Variants in ZBTB38 observed in about 807,000 individuals in gnomAD.
ZBTB38 encodes zinc finger and BTB domain-containing protein 38.
In ZBTB38, 20 loss-of-function variants were observed where a neutral mutation model predicts 76.8. That is an observed-to-expected ratio of 0.26 (90% CI 0.18 to 0.38). The LOEUF (loss-of-function observed/expected upper bound fraction) is 0.38. ZBTB38 is among the 10% of genes least tolerant of loss of function. The pLI is 1.00. For missense variants in ZBTB38, 1,082 were observed against 1,482.3 expected, an observed-to-expected ratio of 0.73 and a Z score of 4.43; for synonymous variants, 504 against 544.2, an observed-to-expected ratio of 0.93 and a Z score of 1.03.
intron 1 of ZBTB38, among the ~76,000 whole-genome samples, chr3:141,349,936 T>G (rs1943472866): frequency 6.6e-6 from 1 of 152,054 alleles, no homozygotes; most frequent in Non-Finnish European, 1.5e-5. Context: ...CTTGGATATT[T>G]AAAACATTTA....
rs917419142 is a variant in ZBTB38, at chr3:141,404,955, G to T, written c.-1+924G>T. Among the ~76,000 whole-genome samples the T allele has an allele frequency of 2.0e-5, 3 of 152,168 alleles. No individual in the cohort carries two copies. The South Asian group carries it at 6.2e-4, about 31-fold the overall frequency. On this transcript the variant is annotated intron_variant, in intron 5 of 5. Coordinates refer to ENST00000321464, the MANE Select transcript of ZBTB38 (RefSeq NM_001376113.1). ...CAGCAGTTGCAGAGTGGGGTCCATC[G>T]CAGGGACAGACCAGAGTCATAGACA...
chr3:141,436,762 T>C (rs2078903879), intron 5 of ZBTB38, among the ~76,000 whole-genome samples: 1 of 152,188 alleles, frequency 6.6e-6, no homozygotes, highest in Non-Finnish European at 1.5e-5. Context: ...CCTCCCAAAG[T>C]GCTGGGATTA....
intron 1 of ZBTB38, among the ~76,000 whole-genome samples, chr3:141,357,896 C>T (rs1943713191): frequency 6.6e-6 from 1 of 152,128 alleles, no homozygotes; most frequent in South Asian, 2.1e-4. Context: ...ATTTTATATG[C>T]ATTGTAGAGA....
At chr3:141,344,255 GCT>G (rs1428857102) in intron 1 of ZBTB38, among the ~76,000 whole-genome samples, 1 of 152,130 alleles carries the variant, frequency 6.6e-6, no homozygotes, top group Non-Finnish European at 1.5e-5. Flanking sequence ...AGTGTCTACA[GCT>G]CTGTGTTTCC....
chr3:141,377,913 C>T (rs9822327), intron 2 of ZBTB38, among the ~76,000 whole-genome samples: 47,291 of 152,052 alleles, frequency 0.31, 7,947 homozygotes, highest in African/African-American at 0.35. Flanking sequence ...AGGCCATGCA[C>T]GGTGGCTCAT....
At chr3:141,431,974 TTC>T in intron 5 of ZBTB38, 1 of 521,312 alleles carries the variant, frequency 1.9e-6, no homozygotes, top group South Asian at 8.3e-5. Flanking sequence ...CATAAAGGAC[TTC>T]TGTTTTGTAA....
chr3:141,335,877 C>T (rs764775421), intron 1 of ZBTB38, among the ~76,000 whole-genome samples: 2 of 152,218 alleles, frequency 1.3e-5, no homozygotes, highest in Non-Finnish European at 2.9e-5. Context: ...CTCTACTACA[C>T]CCCAGCACCT....
At chr3:141,431,341 A>AAAAAATAT in intron 5 of ZBTB38, among the ~76,000 whole-genome samples, 1 of 103,296 alleles carries the variant, frequency 9.7e-6, no homozygotes, top group African/African-American at 6.0e-5. Context: ...AAAAAAAAAA[A>AAAAAATAT]ATATATATAT....
rs1461232895 is a variant in ZBTB38, at chr3:141,443,135, G to A, written c.747G>A (p.Gly249=). Residue 249 remains glycine (G), a synonymous_variant, in exon 6 of 6, where the codon GGG becomes GGA. Transcript: ENST00000321464. This position sits in a 1 kb window ranked among gnomAD's most constrained non-coding sequence, Gnocchi z 5.6. ...ATGGCAGTTCACCTGGTAACACAGG[G>A]AAAGAAAATTGTGAAGCCCTTGCAG... ...EHDGSSPGNT[G]KENCEALAAK... is the part of the protein sequence containing the mutation. The A allele has an allele frequency of 6.2e-7, 1 of 1,614,208 alleles. No individual in the cohort carries two copies. Among genetic ancestry groups the A allele is most frequent in the East Asian group, 2.2e-5 (1 of 44,886 alleles).
chr3:141,340,889 T>G (rs1194055031), intron 1 of ZBTB38, among the ~76,000 whole-genome samples: 1 of 70,966 alleles, frequency 1.4e-5, no homozygotes, highest in African/African-American at 9.1e-5. Flanking sequence ...AGAGCAAGAC[T>G]CTGTCTCCAA....
chr3:141,386,996 C>T (rs1947286317), intron 4 of ZBTB38, 59 bp downstream of exon 4: 1 of 152,742 alleles, frequency 6.5e-6, no homozygotes, highest in Admixed American at 6.5e-5. Context: ...CAGTGCGTAT[C>T]TTGCTTCTGC....
intron 1 of ZBTB38, among the ~76,000 whole-genome samples, chr3:141,332,831 G>A (rs936325221): frequency 1.3e-5 from 2 of 152,098 alleles, no homozygotes; most frequent in African/African-American, 4.8e-5. Context: ...GAAAACTACT[G>A]GAAACTATTG....
chr3:141,444,390 T>C lies in ZBTB38; in HGVS notation c.2002T>C (p.Phe668Leu). 1 of 1,614,074 alleles carries C rather than the reference T, an allele frequency of 6.2e-7. No homozygotes were observed. Among genetic ancestry groups the C allele is most frequent in the African/African-American group, 1.3e-5 (1 of 75,040 alleles). Reference protein sequence around the residue: ...EALKMDLDNNFYSTEVSVSST... With the variant: ...EALKMDLDNNLYSTEVSVSST... ...ATTGAAAATGGATCTTGACAATAAC[T>C]TTTATTCAACTGAGGTGTCAGTTTC... Residue 668 changes from phenylalanine to leucine, a missense_variant, in exon 6 of 6, where the codon TTT (phenylalanine) becomes CTT (leucine). Around this residue, in one of 8 missense-constraint regions of ZBTB38, gnomAD observed 471 missense variants for 581.0 expected, o/e 0.81. Coordinates refer to ENST00000321464, the MANE Select transcript of ZBTB38 (RefSeq NM_001376113.1). The surrounding 1 kb of genome is among the most constrained non-coding windows in gnomAD (Gnocchi z 5.1).
At chr3:141,354,024 T>C (rs1273075046) in intron 1 of ZBTB38, among the ~76,000 whole-genome samples, 3 of 152,174 alleles carry the variant, frequency 2.0e-5, no homozygotes, top group African/African-American at 7.2e-5. Flanking sequence ...GCCCTCTTGG[T>C]TGGACTTGTT....
At chr3:141,362,153 G>C (rs529768227) in intron 1 of ZBTB38, among the ~76,000 whole-genome samples, 1 of 152,120 alleles carries the variant, frequency 6.6e-6, no homozygotes, top group Admixed American at 6.5e-5. Context: ...AGAGTTTAGG[G>C]TCCTGGAGCT....
chr3:141,340,791 G>T (rs986106900), intron 1 of ZBTB38, among the ~76,000 whole-genome samples: 1 of 151,804 alleles, frequency 6.6e-6, no homozygotes, highest in African/African-American at 2.4e-5. Context: ...CAGCTACTTG[G>T]GAGGCTGAGG....
intron 4 of ZBTB38, among the ~76,000 whole-genome samples, chr3:141,400,708 A>G (rs918547503): frequency 1.3e-5 from 2 of 152,250 alleles, no homozygotes; most frequent in Non-Finnish European, 2.9e-5. Context: ...GCGTGCTTAC[A>G]TAATACCAGG....
Position 141,443,561 on chromosome 3 carries a change from G to A in ZBTB38, c.1173G>A (p.Gln391=). 1 of 1,614,218 alleles carries A rather than the reference G, an allele frequency of 6.2e-7. No individual in the cohort carries two copies. Among genetic ancestry groups the A allele is most frequent in the African/African-American group, 1.3e-5 (1 of 75,044 alleles). Residue 391 remains glutamine (Q), a synonymous_variant, in exon 6 of 6, where the codon CAG becomes CAA. Coordinates refer to ENST00000321464, the MANE Select transcript of ZBTB38 (RefSeq NM_001376113.1). The surrounding 1 kb of genome is among the most constrained non-coding windows in gnomAD (Gnocchi z 5.6). ...TTLNRLDRHE[Q]ICMRSSHMPI... Reference sequence around the variant, plus strand: ...TGAACAGGTTGGATCGGCATGAACAGATCTGCATGAGGTCAAGCCACATGC... The same window carrying A: ...TGAACAGGTTGGATCGGCATGAACAAATCTGCATGAGGTCAAGCCACATGC...
chr3:141,344,808 G>A (rs976865361), intron 1 of ZBTB38, among the ~76,000 whole-genome samples: 3 of 152,182 alleles, frequency 2.0e-5, no homozygotes, highest in Admixed American at 6.5e-5. Context: ...TTCAGATCTT[G>A]CAGGATAATT....
Sources: allele counts gnomAD v4.1 joint callset (sites outside exome capture counted in the v4.1 genomes callset), GRCh38; gene constraint gnomAD v4.1.1; regional missense constraint gnomAD v4.1.1; non-coding constraint Gnocchi (gnomAD v3.1); transcripts MANE v1.5; gene names NCBI Gene and HGNC (gene_info 2026-07-23, HGNC 2026-07-21).